The following KAT2B variants were observed in gnomAD, a reference collection of about 807,000 sequenced individuals.
KAT2B encodes lysine acetyltransferase 2B.
Under a neutral mutation model 105.9 loss-of-function variants are expected in KAT2B, and 36 were observed. The ratio of observed to expected loss-of-function variants is 0.34; its 90% CI spans 0.26 to 0.45. The LOEUF (loss-of-function observed/expected upper bound fraction) is 0.45, where lower values mean the gene tolerates loss of function less well. Among genes scored for constraint, KAT2B ranks in the 20% least tolerant of loss-of-function variants. KAT2B has a pLI of 1.00. For missense variants in KAT2B, 820 were observed against 1,021.6 expected (o/e 0.80, Z 2.69); for synonymous variants, 397 against 377.9 (o/e 1.05, Z -0.59).
rs1028757643 is a variant in KAT2B, at chr3:20,154,158, A to G, written c.*1633A>G. 4 of 152,496 alleles carry G rather than the reference A, an allele frequency of 2.6e-5. No individual in the cohort carries two copies. The highest frequency in any genetic ancestry group is 4.4e-5 in the Non-Finnish European group (3 of 67,978). 9.4% of individuals were successfully genotyped at this position (152,496 alleles called of 1,614,324 possible). A position where few individuals can be genotyped will look rare whatever the true frequency, so the allele number is the denominator to read the frequency against. ...AGCTGGTATCCTGTGAAAGTTTGTT[A>G]TTTTCTGAGTAGACATTCTTATAGA... is the stretch of plus-strand genomic sequence containing the variant. On this transcript the variant is annotated 3_prime_UTR_variant, in exon 18 of 18. Coordinates refer to ENST00000263754, the MANE Select transcript of KAT2B (RefSeq NM_003884.5).
intron 1 of KAT2B, among the ~76,000 whole-genome samples, chr3:20,051,084 CA>C (rs1455466281): frequency 6.6e-6 from 1 of 151,440 alleles, no homozygotes; most frequent in South Asian, 2.1e-4. Context: ...CCTGTAGTCC[CA>C]GCTTCTTGGG....
rs1699833914 is a variant in KAT2B at position 20,149,495 on chromosome 3, C to CAAAAAAAAAAAGAAAAAAAAAAA, written c.2305+1019_2305+1020insGAAAAAAAAAAAAAAAAAAAAAA. On this transcript the variant is annotated intron_variant, in intron 17 of 17. Transcript: ENST00000263754. Reference sequence around the variant, plus strand: ...TGGGCACTGGAGGGAGACCGTATCTCAAAAAAAAAAAAAAAAAAAAAAAAA... The same window carrying CAAAAAAAAAAAGAAAAAAAAAAA: ...TGGGCACTGGAGGGAGACCGTATCTCAAAAAAAAAAAGAAAAAAAAAAAAAAAAAAAAAAAAAAAAAAAAAAAA... Among the ~76,000 whole-genome samples the CAAAAAAAAAAAGAAAAAAAAAAA allele has an allele frequency of 1.6e-4, 7 of 42,440 alleles. 1 individual carries two copies. Among genetic ancestry groups the CAAAAAAAAAAAGAAAAAAAAAAA allele is most frequent in the African/African-American group, 9.1e-4 (7 of 7,696 alleles). 27.8% of individuals were successfully genotyped at this position (42,440 alleles called of 152,430 possible).
intron 5 of KAT2B, among the ~76,000 whole-genome samples, chr3:20,106,959 GTGTATATATATATATATATGTATATATA>G (rs1699016992): frequency 2.1e-5 from 1 of 48,654 alleles, no homozygotes; most frequent in African/African-American, 1.3e-4. Context: ...TGAATTTTAT[GTGTATATATATATATATATGTATATATA>G]TATATATATA....
At chr3:20,107,949 C>T (rs1046903986) in intron 5 of KAT2B, among the ~76,000 whole-genome samples, 29 of 151,626 alleles carry the variant, frequency 1.9e-4, no homozygotes, top group African/African-American at 6.0e-4. Context: ...GCTGGGACTA[C>T]AGGCGCCTGC....
chr3:20,149,340 TAAA>T (rs1377037240), intron 17 of KAT2B, among the ~76,000 whole-genome samples: 1 of 150,488 alleles, frequency 6.6e-6, no homozygotes, highest in African/African-American at 2.5e-5. Flanking sequence ...CTACAAAAAG[TAAA>T]AAATTAGCCA....
chr3:20,111,961 A>G (rs1699129643), intron 6 of KAT2B, among the ~76,000 whole-genome samples, 174 bp downstream of exon 6: 1 of 152,120 alleles, frequency 6.6e-6, no homozygotes, highest in Non-Finnish European at 1.5e-5. Flanking sequence ...TTTCCAGTCC[A>G]TTTATTAGCC....
chr3:20,125,236 C>T (rs1444632780), intron 9 of KAT2B, among the ~76,000 whole-genome samples: 1 of 140,970 alleles, frequency 7.1e-6, no homozygotes, highest in African/African-American at 2.6e-5. Flanking sequence ...ACCCGGGAGG[C>T]GGAGCTTGCA....
In KAT2B at chr3:20,141,491, A is replaced by G. The variant is rs568837572; in HGVS notation, c.2004+1127A>G. Among the ~76,000 whole-genome samples, 14 of 152,260 alleles carry G rather than the reference A, an allele frequency of 9.2e-5. No homozygotes were observed. In the South Asian group the frequency reaches 2.9e-3, roughly 32 times the overall value. ...CTCCTGGCTGCTCCCAGTTGGGTGG[A>G]GTTTGCAGCTGTGTCATCCCACGTC... On this transcript the variant is annotated intron_variant, in intron 13 of 17. Coordinates refer to ENST00000263754, the MANE Select transcript of KAT2B (RefSeq NM_003884.5).
chr3:20,093,056 C>T (rs1019225375), intron 2 of KAT2B, among the ~76,000 whole-genome samples: 7 of 152,202 alleles, frequency 4.6e-5, no homozygotes, highest in African/African-American at 1.7e-4. Context: ...CCTGCTCCTT[C>T]AGGATCCCCT....
intron 2 of KAT2B, among the ~76,000 whole-genome samples, chr3:20,082,036 T>A (rs570323991): frequency 6.6e-6 from 1 of 151,932 alleles, no homozygotes; most frequent in Admixed American, 6.6e-5. Flanking sequence ...TTCCTAATAA[T>A]AAGGTTTTCT....
intron 2 of KAT2B, among the ~76,000 whole-genome samples, chr3:20,085,680 T>C (rs1698601418): frequency 6.6e-6 from 1 of 152,080 alleles, no homozygotes; most frequent in African/African-American, 2.4e-5. Context: ...CCGGCTATTT[T>C]TTGTGTTTTT....
chr3:20,101,518 A>G, intron 5 of KAT2B, 50 bp downstream of exon 5: 1 of 1,521,666 alleles, frequency 6.6e-7, no homozygotes, highest in Non-Finnish European at 9.1e-7. Context: ...CCTGTTACAG[A>G]CCTAAAATTG....
chr3:20,055,773 TCCATCCCCCTA>T (rs1276839952), intron 1 of KAT2B, among the ~76,000 whole-genome samples: 1 of 152,220 alleles, frequency 6.6e-6, no homozygotes, highest in African/African-American at 2.4e-5. Flanking sequence ...ACAGAACTTT[TCCATCCCCCTA>T]GAAAATTTCT....
chr3:20,116,194 G>A (rs1699204017), intron 7 of KAT2B, among the ~76,000 whole-genome samples: 1 of 151,922 alleles, frequency 6.6e-6, no homozygotes, highest in African/African-American at 2.4e-5. Context: ...TGAGCAGTTA[G>A]CATTTAGTGG....
intron 11 of KAT2B, among the ~76,000 whole-genome samples, chr3:20,135,212 T>G (rs1699579567): frequency 6.6e-6 from 1 of 152,226 alleles, no homozygotes; most frequent in Non-Finnish European, 1.5e-5. Context: ...CTAAAATGTC[T>G]TTGGGTGACA....
At chr3:20,070,597 C>G (rs1457558414) in intron 1 of KAT2B, among the ~76,000 whole-genome samples, 2 of 151,578 alleles carry the variant, frequency 1.3e-5, no homozygotes, top group Admixed American at 6.6e-5. Context: ...ACCCACCGTG[C>G]CCGGCCTCTC....
chr3:20,122,756 C>A lies in KAT2B; in HGVS notation c.1365C>A (p.Asn455Lys), dbSNP rs149881135. The change falls in exon 9 of 18, where the codon AAC becomes AAA. Residue 455 changes from asparagine (N) to lysine (K), a missense_variant. Transcript: ENST00000263754. ...VMGDIPMELINEVMSTITDPA... is the reference protein window; with the variant it reads ...VMGDIPMELIKEVMSTITDPA... ...GGGATATTCCGATGGAATTAATCAA[C>A]GAGGTTATGTCTACCATCACGGACC... 1.4e-5 allele frequency: 23 copies of A among 1,613,900 alleles called. No individual in the cohort carries two copies. The highest frequency in any genetic ancestry group is 1.9e-5 in the Non-Finnish European group (23 of 1,179,944).
chr3:20,061,919 TTATATATCATATATAAAACATAA>T lies in KAT2B; in HGVS notation c.304-10406_304-10384del, dbSNP rs1295862031. On this transcript the variant is annotated intron_variant, in intron 1 of 17. Transcript: ENST00000263754. ...TTATATATTATATATAAAATATGTA[TTATATATCATATATAAAACATAA>T]TATATATTATATATAAAACATAATA... Among the ~76,000 whole-genome samples the T allele has an allele frequency of 4.7e-3, 181 of 38,582 alleles. 11 individuals carry two copies. The highest frequency in any genetic ancestry group is 9.4e-3 in the Middle Eastern group (1 of 106). 25.3% of individuals were successfully genotyped at this position (38,582 alleles called of 152,430 possible).
intron 1 of KAT2B, among the ~76,000 whole-genome samples, chr3:20,065,142 T>G (rs1698202202): frequency 6.6e-6 from 1 of 152,200 alleles, no homozygotes; most frequent in Non-Finnish European, 1.5e-5. Context: ...GATGAAAACA[T>G]TATCCCAGTC....
Sources: gnomAD v4.1 joint callset for allele counts (sites outside exome capture counted in the v4.1 genomes callset) on GRCh38, gnomAD v4.1.1 for gene constraint, MANE v1.5 for transcripts, NCBI Gene and HGNC (gene_info 2026-07-23, HGNC 2026-07-21) for gene names.